Variants in ZBBX observed in about 807,000 individuals in gnomAD.
The protein encoded by ZBBX is zinc finger B-box domain-containing protein 1.
Under a neutral mutation model 108.5 loss-of-function variants are expected in ZBBX, and 101 were observed. The ratio of observed to expected loss-of-function variants is 0.93; its 90% confidence interval spans 0.79 to 1.10. ZBBX has a LOEUF of 1.10. Ranked by LOEUF, ZBBX falls within the 50% of genes least tolerant of loss-of-function variation. The probability of loss-of-function intolerance (pLI) is 0.00; values close to 1 mark genes in which losing one functional copy is unlikely to be tolerated. For missense variants in ZBBX, 1,009 were observed against 941.4 expected (o/e 1.07, Z -0.94); for synonymous variants, 356 against 323.4 (o/e 1.10, Z -1.08).
chr3:167,217,444 A>G, the ZBBX span, among the ~76,000 whole-genome samples: 2 of 152,134 alleles, frequency 1.3e-5, no homozygotes, highest in Middle Eastern at 3.4e-3. Context: ...CAGAATGTCT[A>G]TTGCTAAAAA....
the ZBBX span, among the ~76,000 whole-genome samples, chr3:167,207,525 T>C: frequency 6.6e-6 from 1 of 152,148 alleles, no homozygotes; most frequent in Non-Finnish European, 1.5e-5. Flanking sequence ...AATATCACAC[T>C]TTTTTAAAAT....
chr3:167,263,035 C>T (rs112033809), intron 20 of ZBBX, among the ~76,000 whole-genome samples: 3,543 of 84,924 alleles, frequency 0.042, 286 homozygotes, highest in Middle Eastern at 0.19. Context: ...TTTTCTAGTT[C>T]TTTTTTTTTT....
intron 20 of ZBBX, among the ~76,000 whole-genome samples, chr3:167,249,798 T>G (rs1330637511): frequency 6.6e-6 from 1 of 152,140 alleles, no homozygotes; most frequent in Non-Finnish European, 1.5e-5. Context: ...TAAGCTTTCT[T>G]TCATATATAG....
the ZBBX span, among the ~76,000 whole-genome samples, chr3:167,190,920 C>T: frequency 1.5e-4 from 23 of 152,130 alleles, no homozygotes; most frequent in Non-Finnish European, 3.1e-4. Context: ...AGGGTCTATG[C>T]TTATCTTCAC....
chr3:167,375,825 A>C (rs1202601135), intron 2 of ZBBX, among the ~76,000 whole-genome samples: 1 of 152,228 alleles, frequency 6.6e-6, no homozygotes, highest in Non-Finnish European at 1.5e-5. Context: ...TATAATTGCA[A>C]AATGGAATTA....
intron 16 of ZBBX, among the ~76,000 whole-genome samples, chr3:167,312,205 C>T (rs1367535088): frequency 6.6e-6 from 1 of 152,004 alleles, no homozygotes; most frequent in Non-Finnish European, 1.5e-5. Flanking sequence ...CTGTATGATT[C>T]TAACTATATG....
intron 1 of ZBBX, chr3:167,401,213 G>T (rs1748414824): frequency 6.6e-6 from 1 of 152,144 alleles, no homozygotes; most frequent in African/African-American, 2.4e-5. Context: ...TTTCAAATGA[G>T]AATTTTAATA....
intron 16 of ZBBX, among the ~76,000 whole-genome samples, chr3:167,306,436 A>C (rs1232084893): frequency 2.0e-5 from 3 of 152,320 alleles, no homozygotes; most frequent in African/African-American, 7.2e-5. Context: ...TGTAGCAGGG[A>C]CACCTGCTTC....
chr3:167,221,897 C>G, the ZBBX span, among the ~76,000 whole-genome samples: 1 of 151,754 alleles, frequency 6.6e-6, no homozygotes, highest in South Asian at 2.1e-4. Flanking sequence ...TGGTTTTTAT[C>G]CAAAAGACAG....
chr3:167,180,644 T>G, the ZBBX span, among the ~76,000 whole-genome samples: 3 of 152,192 alleles, frequency 2.0e-5, no homozygotes, highest in African/African-American at 7.2e-5. Flanking sequence ...CCTATATAAG[T>G]CTGGCAAATT....
At chr3:167,274,062 C>T (rs1035328223) in intron 20 of ZBBX, among the ~76,000 whole-genome samples, 2 of 152,176 alleles carry the variant, frequency 1.3e-5, no homozygotes, top group Non-Finnish European at 2.9e-5. Flanking sequence ...CTAGACATGA[C>T]GTTAGCTGAA....
At chr3:167,223,394 C>A in the ZBBX span, among the ~76,000 whole-genome samples, 1 of 151,816 alleles carries the variant, frequency 6.6e-6, no homozygotes, top group Non-Finnish European at 1.5e-5. Flanking sequence ...GAATAAAAAG[C>A]CAATTAGACT....
the ZBBX span, among the ~76,000 whole-genome samples, chr3:167,226,232 A>G: frequency 6.6e-6 from 1 of 151,814 alleles, no homozygotes; most frequent in African/African-American, 2.4e-5. Flanking sequence ...TTTCTGCAAG[A>G]CCAGTATGAC....
At position 167,337,044 on chromosome 3, in the gene ZBBX, A is replaced by G. The variant is rs147707810; in HGVS notation, c.529-3059T>C. ...AACTCAACAGACTTAATTTCAACCCAGACTTGGTCACCACATAACAAGCTG... is the reference window on the plus strand; with the variant it reads ...AACTCAACAGACTTAATTTCAACCCGGACTTGGTCACCACATAACAAGCTG... On this transcript the variant is annotated intron_variant, in intron 9 of 21. Transcript: ENST00000675490. Among the ~76,000 whole-genome samples the G allele has an allele frequency of 6.3e-3, 958 of 152,278 alleles. 11 individuals are homozygous for G. The highest frequency in any genetic ancestry group is 0.022 in the African/African-American group (903 of 41,558).
Position 167,376,011 on chromosome 3 carries a change from A to G in ZBBX, c.-131-2224T>C, listed in dbSNP as rs373899327. 1.1e-4 allele frequency among the ~76,000 whole-genome samples: 16 copies of G among 152,292 alleles called. No individual in the cohort carries two copies. The East Asian group carries it at 3.1e-3, about 29-fold the overall frequency. On this transcript the variant is annotated intron_variant, in intron 2 of 21. Transcript: ENST00000675490. Reference sequence around the variant, plus strand: ...CGTGGTGTCTTCCCTTGAGGCCCTCACAATCAAGGGGAAATCCACAAAAGC... The same window carrying G: ...CGTGGTGTCTTCCCTTGAGGCCCTCGCAATCAAGGGGAAATCCACAAAAGC...
At chr3:167,183,709 G>A in the ZBBX span, among the ~76,000 whole-genome samples, 1 of 152,208 alleles carries the variant, frequency 6.6e-6, no homozygotes, top group African/African-American at 2.4e-5. Flanking sequence ...TCATGCTATT[G>A]TTTGTGGTTC....
upstream of ZBBX, among the ~76,000 whole-genome samples, chr3:167,381,889 C>G (rs924488182): frequency 6.6e-6 from 1 of 152,052 alleles, no homozygotes; most frequent in Admixed American, 6.5e-5. Context: ...GAAATAGAAA[C>G]TAATTGAGTT....
chr3:167,356,527 C>A (rs1012388118), intron 8 of ZBBX, among the ~76,000 whole-genome samples: 9 of 152,020 alleles, frequency 5.9e-5, no homozygotes, highest in Non-Finnish European at 1.3e-4. Flanking sequence ...CCATTAAATT[C>A]TTTGAAGAGG....
In ZBBX at chr3:167,333,986, C is replaced by A; in HGVS notation, c.529-1G>T. On this transcript the variant is annotated splice_acceptor_variant, in intron 9 of 21. Transcript: ENST00000675490. LOFTEE classifies it high-confidence loss of function. Reference sequence around the variant, plus strand: ...CATTGAATAATATTTGAGATTTTGCCTATTAAAAAAGTAACAATATAATTA... The same window carrying A: ...CATTGAATAATATTTGAGATTTTGCATATTAAAAAAGTAACAATATAATTA... 2 of 1,512,176 alleles carry A rather than the reference C, an allele frequency of 1.3e-6. No individual in the cohort carries two copies. Among genetic ancestry groups the A allele is most frequent in the Non-Finnish European group, 1.8e-6 (2 of 1,129,620 alleles). 93.7% of individuals were successfully genotyped at this position (1,512,176 alleles called of 1,614,324 possible).
Sources: gnomAD v4.1 joint callset for allele counts (sites outside exome capture counted in the v4.1 genomes callset) on GRCh38, gnomAD v4.1.1 for gene constraint, MANE v1.5 for transcripts, NCBI Gene and HGNC (gene_info 2026-07-23, HGNC 2026-07-21) for gene names.